ADAMTSL3: variants seen among roughly 807,000 people sequenced by gnomAD.
The protein encoded by ADAMTSL3 is ADAMTS-like protein 3.
ADAMTSL3 carries 128 observed loss-of-function variants against 201.7 expected under a neutral mutation model. The observed-to-expected ratio is 0.63, with a 90% confidence interval of 0.55 to 0.73. ADAMTSL3 has a LOEUF of 0.73. ADAMTSL3 is among the 30% of genes least tolerant of loss of function. ADAMTSL3 has a pLI of 0.00. For missense variants in ADAMTSL3, 1,990 were observed against 2,119.6 expected, an observed-to-expected ratio of 0.94 and a Z score of 1.20; for synonymous variants, 738 against 748.4, an observed-to-expected ratio of 0.99 and a Z score of 0.23.
chr15:83,778,944 C>G (rs1013109758), intron 4 of ADAMTSL3, among the ~76,000 whole-genome samples: 1 of 151,980 alleles, frequency 6.6e-6, no homozygotes, highest in Admixed American at 6.6e-5. Context: ...AAATGGAAAA[C>G]AGAAAAAAAG....
intron 8 of ADAMTSL3, among the ~76,000 whole-genome samples, chr15:83,865,579 G>C (rs2064958178): frequency 6.6e-6 from 1 of 152,176 alleles, no homozygotes. Context: ...GCTGAAACTG[G>C]ATCCCTTCCT....
At chr15:83,714,867 TCCCTCCCTC>T (rs1567093317) in intron 3 of ADAMTSL3, among the ~76,000 whole-genome samples, 119 of 12,976 alleles carry the variant, frequency 9.2e-3, no homozygotes, top group South Asian at 0.027. Flanking sequence ...CCTCCCTCCC[TCCCTCCCTC>T]CCTTCCTTCC....
At chr15:83,877,154 G>A (rs1229261056) in intron 9 of ADAMTSL3, among the ~76,000 whole-genome samples, 1 of 152,080 alleles carries the variant, frequency 6.6e-6, no homozygotes, top group Non-Finnish European at 1.5e-5. Context: ...TGCCCAGGCT[G>A]GTCTCAAACT....
intron 7 of ADAMTSL3, among the ~76,000 whole-genome samples, chr15:83,849,158 G>A (rs2064559095): frequency 6.6e-6 from 1 of 152,064 alleles, no homozygotes; most frequent in Admixed American, 6.6e-5. Context: ...TTTTAAATTA[G>A]ACACGGTCGC....
rs568879105 is a variant in ADAMTSL3, at chr15:83,866,437, G to T, written c.803-4365G>T. On this transcript the variant is annotated intron_variant, in intron 8 of 29. Transcript: ENST00000286744. The stretch of plus-strand genomic sequence containing the variant: ...TGGAATACTATGCAGCCATAAAAAA[G>T]GATGAGTTCATGTCCTTTGTAGGGA... Among the ~76,000 whole-genome samples, 10 of 152,218 alleles carry T rather than the reference G, an allele frequency of 6.6e-5. No homozygotes were observed. In the South Asian group the frequency reaches 1.5e-3, roughly 22 times the overall value.
intron 2 of ADAMTSL3, among the ~76,000 whole-genome samples, chr15:83,683,722 C>T (rs887420815): frequency 1.3e-5 from 2 of 152,202 alleles, no homozygotes. Flanking sequence ...CCATCCAGTA[C>T]TGTACCCGGC....
At chr15:83,760,689 T>G (rs944040339) in intron 3 of ADAMTSL3, among the ~76,000 whole-genome samples, 4 of 152,170 alleles carry the variant, frequency 2.6e-5, no homozygotes, top group Non-Finnish European at 4.4e-5. Context: ...CTTTCACTTT[T>G]AGAATTTGTT....
At position 83,913,196 on chromosome 15, in the gene ADAMTSL3, C is replaced by T. The variant is rs2065965634; in HGVS notation, c.1805C>T (p.Thr602Ile). The change falls in exon 16 of 30, where the codon ACT becomes ATT. Residue 602 changes from threonine to isoleucine, a missense_variant. By Grantham distance (89) the Thr-to-Ile change is moderately conservative. Coordinates refer to ENST00000286744, the MANE Select transcript of ADAMTSL3 (RefSeq NM_207517.3). The part of the protein sequence containing the change: ...RVLLTFTQTE[T>I]ELPEEECEGP... ...CTCCTCACATTCACGCAGACTGAGA[C>T]TGAGCTGCCCGAGGAAGAGTGTGAA... 1 of 1,614,168 alleles carries T rather than the reference C, an allele frequency of 6.2e-7. No homozygotes were observed. Among genetic ancestry groups the T allele is most frequent in the East Asian group, 2.2e-5 (1 of 44,882 alleles).
chr15:83,736,793 A>G (rs576147510), intron 3 of ADAMTSL3, among the ~76,000 whole-genome samples: 19 of 152,336 alleles, frequency 1.2e-4, no homozygotes, highest in South Asian at 6.2e-4. Context: ...GAAGCCCCCA[A>G]TCTAGAAGAT....
At chr15:84,009,064 A>G (rs1338072538) in intron 23 of ADAMTSL3, among the ~76,000 whole-genome samples, 1 of 152,184 alleles carries the variant, frequency 6.6e-6, no homozygotes, top group East Asian at 1.9e-4. Flanking sequence ...TTATCTTGAC[A>G]GGTTCCTCAC....
chr15:83,816,866 C>T (rs1163898820), intron 5 of ADAMTSL3, among the ~76,000 whole-genome samples: 4 of 152,124 alleles, frequency 2.6e-5, no homozygotes, highest in Non-Finnish European at 5.9e-5. Flanking sequence ...TGTAGTGGCT[C>T]GTGCCTGTAG....
Position 83,942,707 on chromosome 15 carries a change from C to A in ADAMTSL3, c.2229C>A (p.Cys743Ter). 6.2e-7 allele frequency: 1 copy of A among 1,613,960 alleles called. No homozygotes were observed. Among genetic ancestry groups the A allele is most frequent in the African/African-American group, 1.3e-5 (1 of 74,992 alleles). Residue 743 changes from cysteine (C) to a stop codon, truncating the protein, a stop_gained, in exon 18 of 30, where the codon TGC (cysteine) becomes TGA (stop). Coordinates refer to ENST00000286744, the MANE Select transcript of ADAMTSL3 (RefSeq NM_207517.3). LOFTEE classifies it high-confidence loss of function. Reference protein sequence around the residue: ...PGETPAPPEECRDEKPHALQA... With the variant: ...PGETPAPPEE ...AGACCCCTGCCCCTCCTGAGGAGTG[C>A]CGAGATGAAAAGCCCCATGCTTTAC... is the stretch of plus-strand genomic sequence containing the variant.
At chr15:83,785,595 A>G (rs1437906171) in intron 4 of ADAMTSL3, among the ~76,000 whole-genome samples, 2 of 152,104 alleles carry the variant, frequency 1.3e-5, no homozygotes, top group Non-Finnish European at 2.9e-5. Context: ...TGTCAGTGTC[A>G]TAATATTTAT....
At chr15:83,655,171 C>G (rs2061061214) in intron 1 of ADAMTSL3, among the ~76,000 whole-genome samples, 1 of 152,178 alleles carries the variant, frequency 6.6e-6, no homozygotes, top group African/African-American at 2.4e-5. Flanking sequence ...TCCAAACCTC[C>G]CTGAACTTAG....
chr15:83,666,989 T>A (rs1449498803), intron 2 of ADAMTSL3, among the ~76,000 whole-genome samples: 1 of 152,108 alleles, frequency 6.6e-6, no homozygotes, highest in African/African-American at 2.4e-5. Flanking sequence ...CAAATAATTT[T>A]CCCATTTTGT....
At chr15:83,920,922 T>A (rs1393422162) in intron 16 of ADAMTSL3, among the ~76,000 whole-genome samples, 1 of 152,198 alleles carries the variant, frequency 6.6e-6, no homozygotes, top group Non-Finnish European at 1.5e-5. Flanking sequence ...TCTTTAACAT[T>A]ATTTTCAAGT....
Position 83,913,353 on chromosome 15 carries a change from C to G in ADAMTSL3, c.1962C>G (p.Thr654=). 2 of 1,613,472 alleles carry G rather than the reference C, an allele frequency of 1.2e-6. No homozygotes were observed. The highest frequency in any genetic ancestry group is 1.7e-6 in the Non-Finnish European group (2 of 1,180,018). The part of the protein sequence containing the change: ...TTYDWEYAGF[T]PCTATCVGGH... ...ACGACTGGGAGTACGCTGGGTTCACCCCTTGCACAGCAACATGCGTGGGAG... is the reference window on the plus strand; with the variant it reads ...ACGACTGGGAGTACGCTGGGTTCACGCCTTGCACAGCAACATGCGTGGGAG... The change falls in exon 16 of 30, where the codon ACC becomes ACG. Residue 654 remains threonine, a synonymous_variant. Transcript: ENST00000286744.
At chr15:84,020,647 A>G (rs1008735491) in intron 25 of ADAMTSL3, among the ~76,000 whole-genome samples, 1 of 152,232 alleles carries the variant, frequency 6.6e-6, no homozygotes, top group Non-Finnish European at 1.5e-5. Flanking sequence ...ATTACTTGTA[A>G]TTATTACAGG....
chr15:83,778,802 A>G (rs941333973), intron 4 of ADAMTSL3, among the ~76,000 whole-genome samples: 2 of 152,230 alleles, frequency 1.3e-5, no homozygotes, highest in African/African-American at 4.8e-5. Flanking sequence ...TAAATGCCCC[A>G]ATTAAAAGAC....
Sources: gnomAD v4.1 joint callset for allele counts (sites outside exome capture counted in the v4.1 genomes callset) on GRCh38, gnomAD v4.1.1 for gene constraint, MANE v1.5 for transcripts, NCBI Gene and HGNC (gene_info 2026-07-23, HGNC 2026-07-21) for gene names.